FMO4: variants seen among roughly 807,000 people sequenced by gnomAD.
FMO4 encodes dimethylaniline monooxygenase [N-oxide-forming] 4.
A neutral mutation model predicts 43.3 loss-of-function variants in FMO4; 38 were observed. The observed-to-expected ratio is 0.88, with a 90% CI of 0.68 to 1.15. The LOEUF is 1.15. Among genes scored for constraint, FMO4 ranks in the 50% most tolerant of loss-of-function variants. The pLI is 0.00. For synonymous variants in FMO4, 224 were observed against 232.2 expected, an observed-to-expected ratio of 0.96 and a Z score of 0.32; for missense variants, 631 against 663.3, an observed-to-expected ratio of 0.95 and a Z score of 0.54.
chr1:171,336,043 T>C (rs1270000313), intron 8 of FMO4, among the ~76,000 whole-genome samples: 1 of 152,044 alleles, frequency 6.6e-6, no homozygotes, highest in Non-Finnish European at 1.5e-5. Flanking sequence ...CAAAAAGCAA[T>C]CTAGGAACAA....
chr1:171,314,983 G>C (rs926391427), intron 1 of FMO4, among the ~76,000 whole-genome samples: 1 of 152,048 alleles, frequency 6.6e-6, no homozygotes. Flanking sequence ...TCTCCTTTCT[G>C]CCAAGGGACT....
intron 1 of FMO4, among the ~76,000 whole-genome samples, chr1:171,315,240 C>T (rs189233191): frequency 2.4e-3 from 362 of 152,166 alleles, no homozygotes; most frequent in Middle Eastern, 0.02. Flanking sequence ...TGCAGTGAGC[C>T]GAAATTGTGC....
Position 171,341,475 on chromosome 1 carries a change from C to T in FMO4, c.1313C>T (p.Ala438Val). Residue 438 changes from alanine to valine, a missense_variant, in exon 10 of 10, where the codon GCT (alanine) becomes GTT (valine). By Grantham distance (64) the Ala-to-Val change is moderately conservative. Transcript: ENST00000367749. ...FDYIAYMDDIAACIGTKPSIP... is the reference protein window; with the variant it reads ...FDYIAYMDDIVACIGTKPSIP... ...TACATTGCCTACATGGATGATATCG[C>T]TGCCTGCATAGGCACAAAGCCCAGC... The T allele has an allele frequency of 6.2e-7, 1 of 1,613,920 alleles. No homozygotes were observed.
At position 171,323,152 on chromosome 1, in the gene FMO4, T is replaced by A; in HGVS notation, c.281T>A (p.Phe94Tyr). Residue 94 changes from phenylalanine to tyrosine, a missense_variant, in exon 4 of 10, where the codon TTT (phenylalanine) becomes TAT (tyrosine). Phe to Tyr is a conservative substitution (Grantham distance 22). Transcript: ENST00000367749. Reference protein sequence around the residue: ...HEKFWDYLQEFAEHFDLLKYI... With the variant: ...HEKFWDYLQEYAEHFDLLKYI... Reference sequence around the variant, plus strand: ...AAATTTTGGGACTATCTCCAAGAATTTGCTGAGCACTTTGACCTCCTGAAA... The same window carrying A: ...AAATTTTGGGACTATCTCCAAGAATATGCTGAGCACTTTGACCTCCTGAAA... 2 of 1,613,802 alleles carry A rather than the reference T, an allele frequency of 1.2e-6. No individual in the cohort carries two copies. Among genetic ancestry groups the A allele is most frequent in the Non-Finnish European group, 1.7e-6 (2 of 1,179,786 alleles).
At chr1:171,317,193 A>G (rs1264609325) in intron 2 of FMO4, among the ~76,000 whole-genome samples, 1 of 152,158 alleles carries the variant, frequency 6.6e-6, no homozygotes, top group Admixed American at 6.5e-5. Context: ...CTGATTTCCC[A>G]TTTACTGGTC....
chr1:171,324,194 T>C lies in FMO4; in HGVS notation c.378T>C (p.Asp126=), dbSNP rs1025584713. The change falls in exon 5 of 10, where the codon GAT becomes GAC. Residue 126 remains aspartate, a synonymous_variant. Transcript: ENST00000367749. ...RPDFSETGQW[D]VVTETEGKQN... ...ACTTCTCCGAAACTGGTCAGTGGGA[T>C]GTTGTCACAGAGACAGAGGGCAAGC... 2.5e-6 allele frequency: 4 copies of C among 1,613,860 alleles called. No individual in the cohort carries two copies. In the South Asian group the frequency reaches 3.3e-5, roughly 13 times the overall value.
chr1:171,330,995 C>T (rs1040724379), intron 5 of FMO4, among the ~76,000 whole-genome samples: 1 of 152,112 alleles, frequency 6.6e-6, no homozygotes, highest in African/African-American at 2.4e-5. Context: ...GTACAAGTAA[C>T]ATGAACTTAA....
At chr1:171,330,797 C>T (rs1214107571) in intron 5 of FMO4, among the ~76,000 whole-genome samples, 5 of 152,022 alleles carry the variant, frequency 3.3e-5, no homozygotes, top group Admixed American at 2.6e-4. Context: ...GAGATAATCA[C>T]CAAAAATGAA....
At chr1:171,315,386 C>T (rs1166365001) in intron 1 of FMO4, among the ~76,000 whole-genome samples, 9 of 152,068 alleles carry the variant, frequency 5.9e-5, no homozygotes, top group Non-Finnish European at 7.4e-5. Flanking sequence ...CACGTTCTCC[C>T]AATCCTTCAA....
intron 8 of FMO4, among the ~76,000 whole-genome samples, chr1:171,335,906 T>G (rs1663096225): frequency 6.6e-6 from 1 of 152,212 alleles, no homozygotes; most frequent in African/African-American, 2.4e-5. Context: ...AAGACTTAAT[T>G]AACTACTGGT....
intron 3 of FMO4, among the ~76,000 whole-genome samples, 195 bp downstream of exon 3, chr1:171,320,152 C>T (rs952054547): frequency 5.3e-5 from 8 of 152,074 alleles, no homozygotes; most frequent in African/African-American, 7.2e-5. Flanking sequence ...TGCGCAGACT[C>T]GGGTCAGGGA....
At chr1:171,332,465 C>T (rs1304285558) in intron 6 of FMO4, among the ~76,000 whole-genome samples, 1 of 152,072 alleles carries the variant, frequency 6.6e-6, no homozygotes, top group East Asian at 1.9e-4. Flanking sequence ...AAATATTATA[C>T]TTCTATATTT....
chr1:171,341,408 C>T lies in FMO4; in HGVS notation c.1251-5C>T, dbSNP rs1211823008. 5.0e-6 allele frequency: 8 copies of T among 1,609,204 alleles called. No individual in the cohort carries two copies. The highest frequency in any genetic ancestry group is 6.8e-6 in the Non-Finnish European group (8 of 1,177,746). On this transcript the variant is annotated splice_region_variant and splice_polypyrimidine_tract_variant and intron_variant, in intron 9 of 9. Transcript: ENST00000367749. ...TGAAAGGTCCTCCCTCTTTTTTCCT[C>T]TCAGGGGAGTGTTTAAAGACACCAG...
At chr1:171,318,070 C>G (rs903442568) in intron 2 of FMO4, among the ~76,000 whole-genome samples, 1 of 152,138 alleles carries the variant, frequency 6.6e-6, no homozygotes, top group Non-Finnish European at 1.5e-5. Context: ...AATCCCAGCA[C>G]TTTGGGAGGC....
chr1:171,341,383 T>C, intron 9 of FMO4, 30 bp from the exon 10 acceptor site: 2 of 1,572,210 alleles, frequency 1.3e-6, no homozygotes, highest in South Asian at 1.1e-5. Flanking sequence ...GTGTGATTAA[T>C]GAAAGGTCCT....
At chr1:171,336,088 G>A (rs1663104120) in intron 8 of FMO4, among the ~76,000 whole-genome samples, 1 of 151,966 alleles carries the variant, frequency 6.6e-6, no homozygotes, top group Non-Finnish European at 1.5e-5. Context: ...AGAGGATAAG[G>A]TGACCCTAGT....
chr1:171,317,070 G>C (rs1159110141), intron 2 of FMO4, among the ~76,000 whole-genome samples: 1 of 152,170 alleles, frequency 6.6e-6, no homozygotes, highest in Non-Finnish European at 1.5e-5. Flanking sequence ...GATACCTCAG[G>C]CTCTCAGACC....
intron 7 of FMO4, among the ~76,000 whole-genome samples, chr1:171,334,010 A>G (rs1483942621): frequency 3.3e-5 from 5 of 152,078 alleles, no homozygotes; most frequent in African/African-American, 1.2e-4. Flanking sequence ...TTAAATTTTT[A>G]TTTAAAGAGT....
At chr1:171,333,970 C>T (rs1190506694) in intron 7 of FMO4, among the ~76,000 whole-genome samples, 1 of 152,128 alleles carries the variant, frequency 6.6e-6, no homozygotes, top group African/African-American at 2.4e-5. Context: ...ACTACAGGTG[C>T]AGGCCACCAT....
Sources: allele counts gnomAD v4.1 joint callset (sites outside exome capture counted in the v4.1 genomes callset), GRCh38; gene constraint gnomAD v4.1.1; transcripts MANE v1.5; gene names NCBI Gene and HGNC (gene_info 2026-07-23, HGNC 2026-07-21).